Variants in TENM4 observed in about 807,000 individuals in gnomAD.
The protein encoded by TENM4 is teneurin-4.
Under a neutral mutation model 243.3 loss-of-function variants are expected in TENM4, and 82 were observed. The observed-to-expected ratio is 0.34, with a 90% CI of 0.28 to 0.40. TENM4 has a LOEUF of 0.40. Ranked by LOEUF, TENM4 falls within the 10% of genes least tolerant of loss-of-function variation. TENM4 has a pLI of 1.00. For synonymous variants in TENM4, 1,412 were observed against 1,456.3 expected (o/e 0.97, Z 0.69); for missense variants, 3,138 against 3,673.3 (o/e 0.85, Z 3.77).
In TENM4 at chr11:79,265,837, C is replaced by T. The variant is rs76851307; in HGVS notation, c.-265+31651G>A. Among the ~76,000 whole-genome samples, 45 of 152,204 alleles carry T rather than the reference C, an allele frequency of 3.0e-4. No individual in the cohort carries two copies. The East Asian group carries it at 4.6e-3, about 16-fold the overall frequency. On this transcript the variant is annotated intron_variant, in intron 2 of 33. Coordinates refer to ENST00000278550, the MANE Select transcript of TENM4 (RefSeq NM_001098816.3). The stretch of plus-strand genomic sequence containing the variant: ...CCTAGGAGGTTATGCTATCTGTTCC[C>T]GTCTCTCACCTTCTACCCAGGGTAT...
chr11:79,078,899 C>T (rs1860595739), intron 4 of TENM4, among the ~76,000 whole-genome samples: 1 of 152,162 alleles, frequency 6.6e-6, no homozygotes, highest in South Asian at 2.1e-4. Flanking sequence ...TCTGTCTGAC[C>T]CCAAGGTTCA....
At chr11:78,855,925 G>C in intron 11 of TENM4, 39 bp downstream of exon 11, 1 of 1,535,112 alleles carries the variant, frequency 6.5e-7, no homozygotes, top group South Asian at 1.2e-5. Flanking sequence ...TGAGGTAGGA[G>C]CCCATGCAGA....
At chr11:78,699,957 A>G (rs1215193538) in intron 28 of TENM4, among the ~76,000 whole-genome samples, 1 of 152,248 alleles carries the variant, frequency 6.6e-6, no homozygotes, top group Non-Finnish European at 1.5e-5. Context: ...TTCCATTCCA[A>G]TGAGTTAATC....
intron 3 of TENM4, among the ~76,000 whole-genome samples, chr11:79,174,596 G>C (rs1320526233): frequency 6.6e-6 from 1 of 152,122 alleles, no homozygotes; most frequent in Non-Finnish European, 1.5e-5. Context: ...GGCTCTCTCT[G>C]GCTTGCAGCT....
intron 7 of TENM4, among the ~76,000 whole-genome samples, chr11:78,892,834 G>C (rs1183743829): frequency 2.0e-5 from 3 of 152,160 alleles, no homozygotes; most frequent in Non-Finnish European, 4.4e-5. Flanking sequence ...ATAAACAAGT[G>C]GAGAGCCAAG....
At chr11:78,926,780 G>C (rs564017629) in intron 6 of TENM4, among the ~76,000 whole-genome samples, 26 of 151,884 alleles carry the variant, frequency 1.7e-4, no homozygotes, top group African/African-American at 6.0e-4. Context: ...CTGCAGGGTG[G>C]TATTTTACAG....
intron 17 of TENM4, among the ~76,000 whole-genome samples, chr11:78,771,442 A>C (rs1332062210): frequency 3.9e-5 from 6 of 152,206 alleles, no homozygotes; most frequent in Non-Finnish European, 8.8e-5. Flanking sequence ...CTGGAGCCGG[A>C]GTCAGTGGAT....
rs185529122 is a variant in TENM4 at position 79,040,179 on chromosome 11, G to A, written c.493+24559C>T. Reference sequence around the variant, plus strand: ...CTGAGTGCAGACCCGGTGCAAGGATGTTGGGAAGTAACTTTGTCTCTGAGC... The same window carrying A: ...CTGAGTGCAGACCCGGTGCAAGGATATTGGGAAGTAACTTTGTCTCTGAGC... On this transcript the variant is annotated intron_variant, in intron 6 of 33. Coordinates refer to ENST00000278550, the MANE Select transcript of TENM4 (RefSeq NM_001098816.3). Among the ~76,000 whole-genome samples, 214 of 152,318 alleles carry A rather than the reference G, an allele frequency of 1.4e-3. 1 individual carries two copies. The highest frequency in any genetic ancestry group is 6.8e-3 in the Middle Eastern group (2 of 294).
chr11:79,049,193 C>T (rs80062627), intron 6 of TENM4, among the ~76,000 whole-genome samples: 3,577 of 152,246 alleles, frequency 0.023, 143 homozygotes, highest in African/African-American at 0.082. Context: ...CAATTCCCTC[C>T]CCCAGTCCCC....
At chr11:78,752,128 C>T (rs1346081668) in intron 19 of TENM4, among the ~76,000 whole-genome samples, 4 of 152,176 alleles carry the variant, frequency 2.6e-5, no homozygotes, top group Admixed American at 2.0e-4. Flanking sequence ...ACAGCAGTGG[C>T]AGGATGTCAG....
Position 78,900,905 on chromosome 11 carries a change from C to G in TENM4, c.749+2363G>C, listed in dbSNP as rs187758479. 2.0e-5 allele frequency among the ~76,000 whole-genome samples: 3 copies of G among 152,326 alleles called. No individual in the cohort carries two copies. The East Asian group carries it at 5.8e-4, about 29-fold the overall frequency. On this transcript the variant is annotated intron_variant, in intron 7 of 33. Coordinates refer to ENST00000278550, the MANE Select transcript of TENM4 (RefSeq NM_001098816.3). ...AAGGTCAGCATCAAGATCTAGAATT[C>G]TGATTGTGTATTCACTGAATTAAGC...
intron 26 of TENM4, among the ~76,000 whole-genome samples, chr11:78,710,767 G>A (rs577620273): frequency 3.9e-5 from 6 of 152,200 alleles, no homozygotes; most frequent in Admixed American, 2.0e-4. Context: ...CCTGCATATC[G>A]TGGCACCCTT....
At chr11:78,941,595 G>A (rs936773689) in intron 6 of TENM4, among the ~76,000 whole-genome samples, 4 of 152,210 alleles carry the variant, frequency 2.6e-5, no homozygotes, top group Non-Finnish European at 5.9e-5. Flanking sequence ...CGGCGCCGGG[G>A]CGGGGTGGGG....
intron 7 of TENM4, 90 bp from the exon 8 acceptor site, chr11:78,891,426 C>T: frequency 3.4e-6 from 4 of 1,188,150 alleles, no homozygotes; most frequent in South Asian, 2.7e-5. Context: ...CTGTTTGGTG[C>T]AGCTGTGTGC....
chr11:78,705,712 G>T (rs11501757), intron 27 of TENM4, among the ~76,000 whole-genome samples: 1 of 152,164 alleles, frequency 6.6e-6, no homozygotes, highest in Non-Finnish European at 1.5e-5. Flanking sequence ...AATGAACGAA[G>T]GAAGGAAGGA....
intron 6 of TENM4, among the ~76,000 whole-genome samples, chr11:78,910,506 G>T (rs1856162158): frequency 1.3e-5 from 2 of 152,238 alleles, no homozygotes; most frequent in Admixed American, 1.3e-4. Context: ...ACAGTCAGCA[G>T]TCGGAATCTG....
At chr11:79,389,183 T>A (rs1858178213) in intron 1 of TENM4, among the ~76,000 whole-genome samples, 1 of 152,042 alleles carries the variant, frequency 6.6e-6, no homozygotes, top group Admixed American at 6.6e-5. Context: ...TTTGAGAAGG[T>A]CTCACTCCAT....
chr11:79,140,644 CAGA>C (rs1862269171), intron 4 of TENM4, among the ~76,000 whole-genome samples: 1 of 152,130 alleles, frequency 6.6e-6, no homozygotes. Context: ...TTGACCACCA[CAGA>C]AGAAGTCTGC....
intron 1 of TENM4, among the ~76,000 whole-genome samples, chr11:79,439,452 G>T (rs1263864423): frequency 6.6e-6 from 1 of 152,070 alleles, no homozygotes; most frequent in Non-Finnish European, 1.5e-5. Context: ...TTAACATTTT[G>T]CCCTGAAAGC....
Sources: gnomAD v4.1 joint callset for allele counts (sites outside exome capture counted in the v4.1 genomes callset) on GRCh38, gnomAD v4.1.1 for gene constraint, MANE v1.5 for transcripts, NCBI Gene and HGNC (gene_info 2026-07-23, HGNC 2026-07-21) for gene names.